STARD13: variants seen among roughly 807,000 people sequenced by gnomAD.
The protein encoded by STARD13 is StAR related lipid transfer domain containing 13.
Under a neutral mutation model 106.4 loss-of-function variants are expected in STARD13, and 62 were observed. The observed-to-expected ratio is 0.58, with a 90% confidence interval of 0.48 to 0.72. The LOEUF is 0.72. STARD13 is among the 30% of genes least tolerant of loss of function. The pLI, the probability that STARD13 is intolerant of heterozygous loss-of-function variation, is 0.00. For synonymous variants in STARD13, 565 were observed against 553.0 expected, an observed-to-expected ratio of 1.02 and a Z score of -0.31; for missense variants, 1,387 against 1,424.0, an observed-to-expected ratio of 0.97 and a Z score of 0.42.
At chr13:33,140,460 A>G (rs1368502872) in intron 4 of STARD13, among the ~76,000 whole-genome samples, 1 of 152,184 alleles carries the variant, frequency 6.6e-6, no homozygotes, top group Admixed American at 6.5e-5. Flanking sequence ...TGGGAGGTTT[A>G]TTCCCACATT....
chr13:33,635,841 G>A, the STARD13 span, among the ~76,000 whole-genome samples: 43 of 151,150 alleles, frequency 2.8e-4, no homozygotes, highest in Non-Finnish European at 5.3e-4. Context: ...AAAATTAGCC[G>A]GGTGTGGTGG....
the STARD13 span, among the ~76,000 whole-genome samples, chr13:33,565,721 A>G: frequency 1.4e-5 from 2 of 147,980 alleles, 1 homozygote; most frequent in African/African-American, 5.0e-5. Context: ...TAAGAAACAT[A>G]TATCACAGAA....
intron 3 of STARD13, among the ~76,000 whole-genome samples, chr13:33,163,715 A>ATATATATATAACATATATATAAAACATG (rs1882998426): frequency 7.2e-6 from 1 of 139,004 alleles, no homozygotes. Flanking sequence ...TATAAAACAT[A>ATATATATATAACATATATATAAAACATG]TATATAACAT....
At chr13:33,581,934 A>G in the STARD13 span, among the ~76,000 whole-genome samples, 1 of 152,144 alleles carries the variant, frequency 6.6e-6, no homozygotes, top group South Asian at 2.1e-4. Context: ...TATATAAACA[A>G]TTAAAGATGA....
intron 1 of STARD13, among the ~76,000 whole-genome samples, chr13:33,313,810 A>ATAG (rs1893229167): frequency 6.6e-6 from 1 of 152,186 alleles, no homozygotes; most frequent in Admixed American, 6.5e-5. Flanking sequence ...GACTGACTTC[A>ATAG]TAGCTACCTG....
the STARD13 span, among the ~76,000 whole-genome samples, chr13:33,532,635 A>C: frequency 6.6e-6 from 1 of 152,180 alleles, no homozygotes; most frequent in Non-Finnish European, 1.5e-5. Context: ...TTTGACTTTT[A>C]CTTGTATGCT....
At chr13:33,339,221 G>T (rs1355812462) in intron 1 of STARD13, among the ~76,000 whole-genome samples, 2 of 152,156 alleles carry the variant, frequency 1.3e-5, no homozygotes, top group Non-Finnish European at 2.9e-5. Context: ...AGGGCCCACT[G>T]GTTTAACTGG....
At chr13:33,286,171 C>CAA (rs112494237), upstream of STARD13, among the ~76,000 whole-genome samples, 2,483 of 151,052 alleles carry the variant, frequency 0.016, 61 homozygotes, top group African/African-American at 0.055. Context: ...CACAACACAA[C>CAA]AAAAAAAAAC....
chr13:33,220,222 T>G (rs1311424510), intron 1 of STARD13, among the ~76,000 whole-genome samples: 2 of 151,516 alleles, frequency 1.3e-5, no homozygotes, highest in Non-Finnish European at 3.0e-5. Flanking sequence ...ACTGAATGGC[T>G]AGAAAACTTT....
the STARD13 span, among the ~76,000 whole-genome samples, chr13:33,483,483 C>T: frequency 4.6e-5 from 7 of 152,162 alleles, no homozygotes; most frequent in Admixed American, 2.0e-4. Flanking sequence ...TTTGAATACA[C>T]GTAGAAATTG....
intron 1 of STARD13, among the ~76,000 whole-genome samples, chr13:33,192,996 C>T (rs1368865513): frequency 1.3e-5 from 2 of 152,146 alleles, no homozygotes; most frequent in Non-Finnish European, 2.9e-5. Context: ...GATGCTATAA[C>T]TCATACCACA....
At chr13:33,619,359 C>A in the STARD13 span, among the ~76,000 whole-genome samples, 1 of 151,304 alleles carries the variant, frequency 6.6e-6, no homozygotes, top group Non-Finnish European at 1.5e-5. Flanking sequence ...TACTGTAAAG[C>A]TGCAGAAAAA....
intron 1 of STARD13, among the ~76,000 whole-genome samples, chr13:33,339,040 T>C (rs954256121): frequency 2.0e-5 from 3 of 152,190 alleles, no homozygotes; most frequent in African/African-American, 4.8e-5. Flanking sequence ...ATGTATGTTG[T>C]CTTCAATAAT....
intron 1 of STARD13, among the ~76,000 whole-genome samples, chr13:33,334,399 GCACTT>G (rs2077870982): frequency 6.6e-6 from 1 of 152,202 alleles, no homozygotes; most frequent in South Asian, 2.1e-4. Flanking sequence ...ACCCCAGTCT[GCACTT>G]CACTACCTGC....
At chr13:33,288,637 T>C (rs1333463443), upstream of STARD13, among the ~76,000 whole-genome samples, 1 of 151,438 alleles carries the variant, frequency 6.6e-6, no homozygotes, top group Non-Finnish European at 1.5e-5. Context: ...AAAGCCAACT[T>C]AGAATGAAGC....
the STARD13 span, among the ~76,000 whole-genome samples, chr13:33,466,363 G>C: frequency 6.6e-6 from 1 of 152,098 alleles, no homozygotes; most frequent in Admixed American, 6.6e-5. Flanking sequence ...TTAGAGACTA[G>C]TGTAATAAAA....
chr13:33,644,653 T>C, the STARD13 span, among the ~76,000 whole-genome samples: 1 of 152,076 alleles, frequency 6.6e-6, no homozygotes, highest in Non-Finnish European at 1.5e-5. Context: ...GATTTCTACT[T>C]CCAGCTGTTC....
chr13:33,642,762 C>T, the STARD13 span, among the ~76,000 whole-genome samples: 2 of 151,692 alleles, frequency 1.3e-5, no homozygotes, highest in Admixed American at 1.3e-4. Flanking sequence ...CCTGTGTTTC[C>T]TCAAAGGCCG....
chr13:33,646,800 G>T, the STARD13 span, among the ~76,000 whole-genome samples: 2 of 151,912 alleles, frequency 1.3e-5, no homozygotes, highest in South Asian at 4.1e-4. Flanking sequence ...AATGTTACAT[G>T]CAAATTCTTT....
Sources: gnomAD v4.1 joint callset for allele counts (sites outside exome capture counted in the v4.1 genomes callset) on GRCh38, gnomAD v4.1.1 for gene constraint, MANE v1.5 for transcripts, NCBI Gene and HGNC (gene_info 2026-07-23, HGNC 2026-07-21) for gene names.